The following STK3 variants were observed in gnomAD, a reference collection of about 807,000 sequenced individuals.
STK3 encodes serine/threonine kinase 3, also known as serine/threonine-protein kinase 3.
STK3 carries 41 observed loss-of-function variants against 58.0 expected under a neutral mutation model. The observed-to-expected ratio is 0.71, with a 90% confidence interval of 0.55 to 0.92. The LOEUF (loss-of-function observed/expected upper bound fraction) is 0.92. Ranked by LOEUF, STK3 falls within the 40% of genes least tolerant of loss-of-function variation. The pLI, the probability that STK3 is intolerant of heterozygous loss-of-function variation, is 0.00. For synonymous variants in STK3, 170 were observed against 191.0 expected, an observed-to-expected ratio of 0.89 and a Z score of 0.91; for missense variants, 479 against 602.7, an observed-to-expected ratio of 0.79 and a Z score of 2.15.
intron 3 of STK3, among the ~76,000 whole-genome samples, chr8:98,860,549 C>A (rs1242345121): frequency 6.6e-6 from 1 of 152,168 alleles, no homozygotes; most frequent in Non-Finnish European, 1.5e-5. Context: ...ATCCCTCAAC[C>A]CTCATAGCCC....
chr8:98,567,639 C>A (rs1402069363), intron 8 of STK3, among the ~76,000 whole-genome samples: 2 of 151,984 alleles, frequency 1.3e-5, no homozygotes, highest in East Asian at 1.9e-4. Context: ...CAGAATTGAA[C>A]AAACTATGAT....
chr8:98,877,350 C>G (rs1296778201), intron 3 of STK3, among the ~76,000 whole-genome samples: 1 of 152,140 alleles, frequency 6.6e-6, no homozygotes, highest in African/African-American at 2.4e-5. Context: ...ACTTTTCAAA[C>G]TCCAAAGCTT....
intron 7 of STK3, chr8:98,595,759 A>G: frequency 3.5e-6 from 1 of 289,324 alleles, no homozygotes; most frequent in Non-Finnish European, 6.5e-6. Context: ...TGCTGAGTCA[A>G]GGAACAGAAG....
At chr8:98,674,626 C>A (rs1823065797) in intron 6 of STK3, among the ~76,000 whole-genome samples, 1 of 151,938 alleles carries the variant, frequency 6.6e-6, no homozygotes, top group Non-Finnish European at 1.5e-5. Flanking sequence ...ATCACAGTTC[C>A]CAAATAATTA....
At chr8:98,649,136 G>C (rs992422414) in intron 6 of STK3, among the ~76,000 whole-genome samples, 2 of 150,700 alleles carry the variant, frequency 1.3e-5, no homozygotes, top group African/African-American at 2.4e-5. Context: ...TGTGTCATTA[G>C]TCTATTGGGA....
At chr8:98,426,306 C>A (rs1398042848) in intron 3 of STK3, among the ~76,000 whole-genome samples, 1 of 152,242 alleles carries the variant, frequency 6.6e-6, no homozygotes, top group East Asian at 1.9e-4. Context: ...GCCGACGCAT[C>A]TTCCCATCCG....
rs529301057 is a variant in STK3 at position 98,652,852 on chromosome 8, A to T, written c.684+53615T>A. Among the ~76,000 whole-genome samples, 117 of 151,804 alleles carry T rather than the reference A, an allele frequency of 7.7e-4. 1 individual carries two copies. Among genetic ancestry groups the T allele is most frequent in the African/African-American group, 2.8e-3 (116 of 41,398 alleles). On this transcript the variant is annotated intron_variant, in intron 6 of 10. Transcript: ENST00000419617. ...TAAAGCAAGTCCTGAGTGACCTACA[A>T]AGAGACTTAGACTCCCACACAATAA...
chr8:98,847,072 T>G (rs1252062422), intron 3 of STK3, among the ~76,000 whole-genome samples: 1 of 151,998 alleles, frequency 6.6e-6, no homozygotes, highest in Non-Finnish European at 1.5e-5. Context: ...ATGGATAAAT[T>G]AAAAATATAG....
intron 1 of STK3, among the ~76,000 whole-genome samples, chr8:98,896,515 C>T (rs1243051942): frequency 6.6e-6 from 1 of 152,164 alleles, no homozygotes; most frequent in Non-Finnish European, 1.5e-5. Context: ...CTTCACTTCA[C>T]ATAGTTTCAC....
chr8:98,572,436 CAA>C (rs952138539), intron 8 of STK3, among the ~76,000 whole-genome samples: 5 of 152,066 alleles, frequency 3.3e-5, no homozygotes, highest in African/African-American at 9.7e-5. Flanking sequence ...TACTGAACAT[CAA>C]GAGATGTGTA....
At chr8:98,638,448 T>G (rs1431374020) in intron 6 of STK3, 1 of 152,224 alleles carries the variant, frequency 6.6e-6, no homozygotes, top group Non-Finnish European at 1.5e-5. Flanking sequence ...GCATGACTGT[T>G]AAATCACTTA....
At chr8:98,778,505 T>A (rs1831869595) in intron 1 of STK3, among the ~76,000 whole-genome samples, 1 of 152,158 alleles carries the variant, frequency 6.6e-6, no homozygotes, top group Non-Finnish European at 1.5e-5. Flanking sequence ...AGAAATACCG[T>A]TTGACCCAGC....
intron 4 of STK3, among the ~76,000 whole-genome samples, chr8:98,720,764 A>G (rs1307299802): frequency 3.9e-5 from 6 of 151,982 alleles, no homozygotes; most frequent in South Asian, 4.2e-4. Context: ...AAAAAAAAAA[A>G]AAAAAGAAAA....
chr8:98,651,953 C>G (rs2130713455), intron 6 of STK3, among the ~76,000 whole-genome samples: 1 of 151,976 alleles, frequency 6.6e-6, no homozygotes, highest in South Asian at 2.1e-4. Flanking sequence ...CAAGGCAGGC[C>G]AACATTCAGA....
At chr8:98,768,110 C>A (rs970134837) in intron 2 of STK3, among the ~76,000 whole-genome samples, 1 of 152,278 alleles carries the variant, frequency 6.6e-6, no homozygotes, top group South Asian at 2.1e-4. Context: ...AACTTAAAAA[C>A]GAGGTTAAAC....
At chr8:98,920,712 A>G (rs1042265157) in intron 1 of STK3, among the ~76,000 whole-genome samples, 4 of 152,244 alleles carry the variant, frequency 2.6e-5, no homozygotes, top group African/African-American at 9.6e-5. Context: ...GCCTACAGCC[A>G]TGCTCACTGC....
chr8:98,411,708 G>A (rs1818059311), intron 3 of STK3, among the ~76,000 whole-genome samples: 2 of 152,200 alleles, frequency 1.3e-5, no homozygotes, highest in South Asian at 2.1e-4. Flanking sequence ...CCAGGGGGGC[G>A]ACACTGTCTC....
chr8:98,690,224 C>A (rs899029846), intron 6 of STK3, among the ~76,000 whole-genome samples: 1 of 151,890 alleles, frequency 6.6e-6, no homozygotes, highest in Non-Finnish European at 1.5e-5. Flanking sequence ...AAGTAAAAGA[C>A]ATATAAATAG....
chr8:98,674,966 G>A (rs1823091239), intron 6 of STK3, among the ~76,000 whole-genome samples: 1 of 151,642 alleles, frequency 6.6e-6, no homozygotes, highest in Non-Finnish European at 1.5e-5. Flanking sequence ...ATTTTAATAT[G>A]GAATTAAATT....
Sources: allele counts gnomAD v4.1 joint callset (sites outside exome capture counted in the v4.1 genomes callset), GRCh38; gene constraint gnomAD v4.1.1; transcripts MANE v1.5; gene names NCBI Gene and HGNC (gene_info 2026-07-23, HGNC 2026-07-21).